The following FCRL2 variants were observed in gnomAD, a reference collection of about 807,000 sequenced individuals.
FCRL2 encodes Fc receptor like 2.
In FCRL2, 48 loss-of-function variants were observed where a neutral mutation model predicts 59.8. That is an observed-to-expected ratio of 0.80 (90% CI 0.64 to 1.02). FCRL2 has a LOEUF of 1.02. Ranked by LOEUF, FCRL2 falls within the 50% of genes least tolerant of loss-of-function variation. The pLI, the probability that FCRL2 is intolerant of heterozygous loss-of-function variation, is 0.00. For synonymous variants in FCRL2, 251 were observed against 229.5 expected, an observed-to-expected ratio of 1.09 and a Z score of -0.85; for missense variants, 658 against 597.3, an observed-to-expected ratio of 1.10 and a Z score of -1.06.
Position 157,767,452 on chromosome 1 carries a change from C to T in FCRL2, c.941G>A (p.Gly314Glu), listed in dbSNP as rs1362265960. 8 of 1,614,098 alleles carry T rather than the reference C, an allele frequency of 5.0e-6. No homozygotes were observed. The highest frequency in any genetic ancestry group is 6.8e-6 in the Non-Finnish European group (8 of 1,180,052). ...CTCACAGTGAAGCTCCAGCAGGTCC[C>T]CCACTGCAGCCTGGGCCCCAGGAGA... is the stretch of plus-strand genomic sequence containing the variant. ...LRSPGAQAAV[G>E]DLLELHCEAL... is the part of the protein sequence containing the mutation. The change falls in exon 6 of 12, where the codon GGG becomes GAG. Residue 314 changes from glycine to glutamate, a missense_variant. Coordinates refer to ENST00000361516, the MANE Select transcript of FCRL2 (RefSeq NM_030764.4).
intron 6 of FCRL2, 45 bp from the exon 7 acceptor site, chr1:157,767,016 G>C (rs1377488302): frequency 3.2e-6 from 5 of 1,541,668 alleles, no homozygotes; most frequent in Non-Finnish European, 4.4e-6. Context: ...TTTAAGACTT[G>C]GGCCCTTCTT....
In FCRL2 at chr1:157,770,335, C is replaced by T. The variant is rs890725247; in HGVS notation, c.310+74G>A. 17 of 1,543,942 alleles carry T rather than the reference C, an allele frequency of 1.1e-5. No individual in the cohort carries two copies. The South Asian group carries it at 2.1e-4, about 19-fold the overall frequency. On this transcript the variant is annotated intron_variant, in intron 3 of 11. Transcript: ENST00000361516. ...TATATTTAGCCCATGAGCAGCTTTC[C>T]CCTACCCAGTACCCACCCTGCCTTG...
At chr1:157,755,201 G>C (rs978809386) in intron 7 of FCRL2, among the ~76,000 whole-genome samples, 1 of 152,072 alleles carries the variant, frequency 6.6e-6, no homozygotes, top group Non-Finnish European at 1.5e-5. Context: ...AATACATTTA[G>C]TATAAACAGA....
In FCRL2 at chr1:157,748,977, T is replaced by A; in HGVS notation, c.1308-17A>T. On this transcript the variant is annotated splice_polypyrimidine_tract_variant and intron_variant, in intron 8 of 11. Transcript: ENST00000361516. ...GAAGCCCCTCTGTGAGAAAGTGAATTAATTGTATGATAATCCCCAGGGCAG... is the reference window on the plus strand; with the variant it reads ...GAAGCCCCTCTGTGAGAAAGTGAATAAATTGTATGATAATCCCCAGGGCAG... The A allele has an allele frequency of 6.2e-7, 1 of 1,605,774 alleles. No homozygotes were observed. Among genetic ancestry groups the A allele is most frequent in the Non-Finnish European group, 8.5e-7 (1 of 1,172,668 alleles).
intron 7 of FCRL2, among the ~76,000 whole-genome samples, chr1:157,757,465 A>T (rs534760695): frequency 6.6e-6 from 1 of 152,128 alleles, no homozygotes; most frequent in African/African-American, 2.4e-5. Context: ...CTGCACATAT[A>T]CCCCAGAACT....
Position 157,777,032 on chromosome 1 carries a change from A to T in FCRL2, c.31+11T>A, listed in dbSNP as rs1650465340. On this transcript the variant is annotated intron_variant, in intron 1 of 11. Coordinates refer to ENST00000361516, the MANE Select transcript of FCRL2 (RefSeq NM_030764.4). Reference sequence around the variant, plus strand: ...TGCCACCTCACTTCTCAGTCAAATTATTGAACTCACCAAAGATGACCAGCA... The same window carrying T: ...TGCCACCTCACTTCTCAGTCAAATTTTTGAACTCACCAAAGATGACCAGCA... 13 of 1,612,780 alleles carry T rather than the reference A, an allele frequency of 8.1e-6. No homozygotes were observed. The highest frequency in any genetic ancestry group is 1.3e-5 in the African/African-American group (1 of 74,878).
chr1:157,767,769 C>T (rs1649638518), intron 5 of FCRL2: 2 of 1,305,884 alleles, frequency 1.5e-6, no homozygotes, highest in Admixed American at 2.8e-5. Context: ...CCATCCAGCC[C>T]TCTTCATATT....
Position 157,747,295 on chromosome 1 carries a change from C to T in FCRL2, c.1460-396G>A, listed in dbSNP as rs567572035. On this transcript the variant is annotated intron_variant, in intron 10 of 11. Coordinates refer to ENST00000361516, the MANE Select transcript of FCRL2 (RefSeq NM_030764.4). ...GAAATTGGAATAGAAGCATAGATAA[C>T]AGAAGACAGACTCTGAATCACATAG... 4.9e-4 allele frequency among the ~76,000 whole-genome samples: 75 copies of T among 152,064 alleles called. 1 individual carries two copies. Among genetic ancestry groups the T allele is most frequent in the Non-Finnish European group, 7.6e-4 (52 of 68,028 alleles).
chr1:157,749,641 A>G lies in FCRL2; in HGVS notation c.1307+9T>C, dbSNP rs751078395. Reference sequence around the variant, plus strand: ...TAGAATTAAAATTTTTACTAGGAAGAGTTCTCACCTGGGTTCATTAGTGGC... The same window carrying G: ...TAGAATTAAAATTTTTACTAGGAAGGGTTCTCACCTGGGTTCATTAGTGGC... On this transcript the variant is annotated intron_variant, in intron 8 of 11. Transcript: ENST00000361516. 1.2e-5 allele frequency: 20 copies of G among 1,602,842 alleles called. No individual in the cohort carries two copies. Among genetic ancestry groups the G allele is most frequent in the East Asian group, 2.2e-5 (1 of 44,722 alleles).
chr1:157,774,427 A>G, intron 2 of FCRL2: 1 of 456,498 alleles, frequency 2.2e-6, no homozygotes, highest in South Asian at 1.5e-5. Flanking sequence ...TTTCCAGTAC[A>G]TCATGCTGAA....
intron 7 of FCRL2, among the ~76,000 whole-genome samples, chr1:157,755,910 T>A (rs576429184): frequency 6.6e-6 from 1 of 152,242 alleles, no homozygotes; most frequent in South Asian, 2.1e-4. Context: ...CCAGGAACAG[T>A]TGTGAGAGAA....
At chr1:157,758,975 T>G (rs572262906) in intron 7 of FCRL2, among the ~76,000 whole-genome samples, 2 of 152,302 alleles carry the variant, frequency 1.3e-5, no homozygotes, top group Admixed American at 1.3e-4. Flanking sequence ...CTATAAAGAT[T>G]TGATATGGTT....
At chr1:157,760,693 A>AGG (rs1648973125) in intron 7 of FCRL2, among the ~76,000 whole-genome samples, 1 of 130,506 alleles carries the variant, frequency 7.7e-6, no homozygotes, top group East Asian at 2.1e-4. Flanking sequence ...GAAAGAAAGA[A>AGG]AGAAGGAAAG....
chr1:157,768,287 T>C, intron 5 of FCRL2, 127 bp downstream of exon 5: 1 of 941,920 alleles, frequency 1.1e-6, no homozygotes, highest in Non-Finnish European at 1.6e-6. Context: ...GCGTAACCCA[T>C]TTTCAAATTG....
At chr1:157,754,638 A>C (rs1648450280) in intron 7 of FCRL2, among the ~76,000 whole-genome samples, 1 of 152,004 alleles carries the variant, frequency 6.6e-6, no homozygotes, top group Non-Finnish European at 1.5e-5. Context: ...ATGGATCAAA[A>C]ATTTAAGCAT....
chr1:157,767,591 A>G (rs1247122892), intron 5 of FCRL2, 82 bp from the exon 6 acceptor site: 1 of 1,614,236 alleles, frequency 6.2e-7, no homozygotes, highest in Admixed American at 1.7e-5. Context: ...GGCTCAGCAA[A>G]GGGCCTGGCC....
chr1:157,747,277 G>T (rs16839024), intron 10 of FCRL2, among the ~76,000 whole-genome samples: 1 of 152,132 alleles, frequency 6.6e-6, no homozygotes, highest in Non-Finnish European at 1.5e-5. Context: ...AAGGAAATTG[G>T]AATAGAAGCA....
At chr1:157,770,273 T>G in intron 3 of FCRL2, 123 bp from the exon 4 acceptor site, 2 of 1,446,186 alleles carry the variant, frequency 1.4e-6, no homozygotes, top group Non-Finnish European at 1.9e-6. Context: ...TCACCCATCA[T>G]GGCTCCTTTG....
rs774995648 is a variant in FCRL2, at chr1:157,769,869, G to T, written c.592C>A (p.Gln198Lys). 8 of 1,613,572 alleles carry T rather than the reference G, an allele frequency of 5.0e-6. No individual in the cohort carries two copies. The highest frequency in any genetic ancestry group is 6.8e-6 in the Non-Finnish European group (8 of 1,179,672). Residue 198 changes from glutamine (Q) to lysine (K), a missense_variant, in exon 4 of 12, where the codon CAG becomes AAG. By Grantham distance (53) the Gln-to-Lys change is moderately conservative. Transcript: ENST00000361516. ...KQSLQSQIHV[Q>K]RIPISNVSLE... ...GCTCAGCCTCACTGATACTTGCTCT[G>T]CACGTGAATCTGGGATTGGAGGCTC... is the stretch of plus-strand genomic sequence containing the variant.
Sources: gnomAD v4.1 joint callset for allele counts (sites outside exome capture counted in the v4.1 genomes callset) on GRCh38, gnomAD v4.1.1 for gene constraint, MANE v1.5 for transcripts, NCBI Gene and HGNC (gene_info 2026-07-23, HGNC 2026-07-21) for gene names.